The following DHRSX variants were observed in gnomAD, a reference collection of about 807,000 sequenced individuals.
The protein encoded by DHRSX is polyprenol dehydrogenase.
Under a neutral mutation model 34.0 loss-of-function variants are expected in DHRSX, and 31 were observed. That is an observed-to-expected ratio of 0.91 (90% CI 0.69 to 1.23). The LOEUF is 1.23. DHRSX is among the 50% of genes most tolerant of loss of function. The pLI, the probability that DHRSX is intolerant of heterozygous loss-of-function variation, is 0.00. For missense variants in DHRSX, 414 were observed against 428.1 expected (o/e 0.97, Z 0.29); for synonymous variants, 201 against 183.8 (o/e 1.09, Z -0.76).
intron 3 of DHRSX, among the ~76,000 whole-genome samples, chrX:2,393,628 G>GCA (rs2043367022): frequency 1.5e-5 from 1 of 65,074 alleles, no homozygotes. Context: ...CCCGTCTCCT[G>GCA]CACACACGAC....
chrX:2,311,248 CAGAGAGAGAAAGAGAGAGATGG>C (rs1433730395), intron 3 of DHRSX, among the ~76,000 whole-genome samples: 1 of 151,650 alleles, frequency 6.6e-6, no homozygotes, highest in Non-Finnish European at 1.5e-5. Flanking sequence ...GAGAGACATA[CAGAGAGAGAAAGAGAGAGATGG>C]GGAGAGAGCT....
intron 3 of DHRSX, among the ~76,000 whole-genome samples, chrX:2,332,371 G>A (rs1489782812): frequency 4.6e-5 from 7 of 151,954 alleles, no homozygotes; most frequent in African/African-American, 1.7e-4. Context: ...TCAGAAGCTA[G>A]TTAGTGTGTG....
intron 4 of DHRSX, among the ~76,000 whole-genome samples, chrX:2,285,000 G>C (rs934508030): frequency 6.6e-6 from 1 of 152,162 alleles, no homozygotes; most frequent in African/African-American, 2.4e-5. Flanking sequence ...GAGACTTGAG[G>C]CACGTGGTTG....
At chrX:2,388,658 A>G (rs757053903) in intron 3 of DHRSX, among the ~76,000 whole-genome samples, 124 of 152,052 alleles carry the variant, frequency 8.2e-4, no homozygotes, top group African/African-American at 2.7e-3. Context: ...ATATCTCATA[A>G]GAAGAGGAGA....
intron 3 of DHRSX, among the ~76,000 whole-genome samples, chrX:2,326,732 C>T (rs757309157): frequency 3.9e-4 from 60 of 152,124 alleles, no homozygotes; most frequent in African/African-American, 1.4e-3. Context: ...AATCCGTGTC[C>T]TCTCTGCCCT....
At chrX:2,358,393 C>T (rs898667774) in intron 3 of DHRSX, among the ~76,000 whole-genome samples, 6 of 152,128 alleles carry the variant, frequency 3.9e-5, no homozygotes, top group African/African-American at 1.4e-4. Context: ...AGACACTTTT[C>T]AAAAGAAGAT....
Position 2,365,341 on chromosome X carries a change from T to C in DHRSX, c.286+43404A>G, listed in dbSNP as rs1441869524. Among the ~76,000 whole-genome samples, 5 of 152,140 alleles carry C rather than the reference T, an allele frequency of 3.3e-5. No homozygotes were observed. In the East Asian group the frequency reaches 7.7e-4, roughly 23 times the overall value. On this transcript the variant is annotated intron_variant, in intron 3 of 6. Transcript: ENST00000334651. ...TTTTAGTAGAGGCAGGGTTTCACCA[T>C]GTTGGCCAGGCTGGTCTCGAACTCC...
intron 1 of DHRSX, among the ~76,000 whole-genome samples, chrX:2,486,213 T>C (rs1192740896): frequency 6.6e-6 from 1 of 152,040 alleles, no homozygotes; most frequent in Non-Finnish European, 1.5e-5. Context: ...GAAATTTTGA[T>C]GCCAAAACAC....
chrX:2,451,832 C>A (rs1265492419), intron 1 of DHRSX, among the ~76,000 whole-genome samples: 1 of 152,090 alleles, frequency 6.6e-6, no homozygotes, highest in East Asian at 1.9e-4. Flanking sequence ...CCTAAGAATG[C>A]GGCCAAGGGA....
intron 5 of DHRSX, among the ~76,000 whole-genome samples, chrX:2,249,980 G>A (rs759183937): frequency 2.0e-5 from 3 of 151,826 alleles, no homozygotes; most frequent in East Asian, 2.0e-4. Flanking sequence ...TGGCTAACAC[G>A]GTGAAACCCC....
rs1296211618 is a variant in DHRSX, at chrX:2,402,927, G to A, written c.286+5818C>T. On this transcript the variant is annotated intron_variant, in intron 3 of 6. Transcript: ENST00000334651. ...TTTGAGATGGAGTCTCTGTAGTCCA[G>A]GTTGGAGTGCGGTGGCACAATCTCA... 6.4e-5 allele frequency among the ~76,000 whole-genome samples: 9 copies of A among 140,662 alleles called. No individual in the cohort carries two copies. In the Admixed American group the frequency reaches 6.7e-4, roughly 10 times the overall value. 92.3% of individuals were successfully genotyped at this position (140,662 alleles called of 152,430 possible).
At chrX:2,475,174 C>T (rs972576403) in intron 1 of DHRSX, among the ~76,000 whole-genome samples, 4 of 151,158 alleles carry the variant, frequency 2.6e-5, no homozygotes, top group African/African-American at 9.8e-5. Context: ...GCTAAGGGAC[C>T]TCCGCCATGT....
chrX:2,226,811 A>G (rs2015674721), intron 6 of DHRSX, among the ~76,000 whole-genome samples: 1 of 152,116 alleles, frequency 6.6e-6, no homozygotes, highest in Non-Finnish European at 1.5e-5. Context: ...AAAAGAAAGA[A>G]AAAAAAGAAA....
At chrX:2,422,235 A>G (rs2043789503) in intron 2 of DHRSX, among the ~76,000 whole-genome samples, 1 of 152,158 alleles carries the variant, frequency 6.6e-6, no homozygotes, top group Non-Finnish European at 1.5e-5. Flanking sequence ...GGCGGAGAGG[A>G]AGAAGTCAAT....
At position 2,296,615 on chromosome X, in the gene DHRSX, T is replaced by C. The variant is rs76851847; in HGVS notation, c.287-5012A>G. On this transcript the variant is annotated intron_variant, in intron 3 of 6. Coordinates refer to ENST00000334651, the MANE Select transcript of DHRSX (RefSeq NM_145177.3). ...CCCAGGCAGATAGACCCCAGGCAGA[T>C]AGGAATAGGACCCAGGCAGATAGGA... 2.6e-3 allele frequency among the ~76,000 whole-genome samples: 20 copies of C among 7,596 alleles called. 1 individual carries two copies. Among genetic ancestry groups the C allele is most frequent in the Admixed American group, 7.4e-3 (6 of 806 alleles). The allele number at this position is 7,596 out of a possible 152,430, so 5.0% of individuals were successfully genotyped here. A position where few individuals can be genotyped will look rare whatever the true frequency, so the allele number is the denominator to read the frequency against.
In DHRSX at chrX:2,322,709, C is replaced by T. The variant is rs1406611322; in HGVS notation, c.287-31106G>A. 2.1e-5 allele frequency among the ~76,000 whole-genome samples: 3 copies of T among 145,276 alleles called. No homozygotes were observed. In the East Asian group the frequency reaches 6.4e-4, roughly 31 times the overall value. On this transcript the variant is annotated intron_variant, in intron 3 of 6. Transcript: ENST00000334651. ...AAAAAAACAAACAGCATTTTCTTTT[C>T]TCTAGCATACTTTAATAATACAGTA... is the stretch of plus-strand genomic sequence containing the variant.
At chrX:2,430,058 C>T (rs2043898173) in intron 1 of DHRSX, among the ~76,000 whole-genome samples, 1 of 151,280 alleles carries the variant, frequency 6.6e-6, no homozygotes, top group Non-Finnish European at 1.5e-5. Flanking sequence ...ACTTGGTCAT[C>T]GAGAGTGTGC....
intron 6 of DHRSX, among the ~76,000 whole-genome samples, chrX:2,235,263 C>A (rs1162249007): frequency 6.6e-6 from 1 of 151,906 alleles, no homozygotes; most frequent in African/African-American, 2.4e-5. Context: ...GGTGGATTGA[C>A]GATGAGGACC....
chrX:2,352,056 T>C (rs183639961), intron 3 of DHRSX, among the ~76,000 whole-genome samples: 5 of 152,084 alleles, frequency 3.3e-5, no homozygotes, highest in Admixed American at 3.3e-4. Context: ...GCTGTGCATT[T>C]TTGCCCCCTA....
Sources: allele counts gnomAD v4.1 joint callset (sites outside exome capture counted in the v4.1 genomes callset), GRCh38; gene constraint gnomAD v4.1.1; transcripts MANE v1.5; gene names NCBI Gene and HGNC (gene_info 2026-07-23, HGNC 2026-07-21).